ADRA1B: variants seen among roughly 807,000 people sequenced by gnomAD.
ADRA1B encodes alpha-1B adrenergic receptor.
A neutral mutation model predicts 17.9 loss-of-function variants in ADRA1B; 17 were observed. The observed-to-expected ratio is 0.95, with a 90% CI of 0.65 to 1.42. The LOEUF (loss-of-function observed/expected upper bound fraction) is 1.42, where lower values mean the gene tolerates loss of function less well. Ranked by LOEUF, ADRA1B falls within the 40% of genes most tolerant of loss-of-function variation. The probability of loss-of-function intolerance (pLI) is 0.00; values close to 1 mark genes in which losing one functional copy is unlikely to be tolerated. For synonymous variants in ADRA1B, 366 were observed against 327.6 expected (o/e 1.12, Z -1.27); for missense variants, 681 against 722.1 (o/e 0.94, Z 0.65).
intron 1 of ADRA1B, among the ~76,000 whole-genome samples, chr5:159,957,748 C>G (rs1277603748): frequency 1.3e-5 from 2 of 151,380 alleles, no homozygotes; most frequent in African/African-American, 4.9e-5. Context: ...CAAGCCTGGT[C>G]AACATGATGA....
At chr5:159,984,581 C>T in the ADRA1B span, among the ~76,000 whole-genome samples, 2 of 152,068 alleles carry the variant, frequency 1.3e-5, no homozygotes, top group African/African-American at 4.8e-5. Context: ...AGCTCCTCCC[C>T]AGCTACCAGA....
chr5:159,877,253 A>T (rs964628833), intron 1 of ADRA1B, among the ~76,000 whole-genome samples: 1 of 151,854 alleles, frequency 6.6e-6, no homozygotes, highest in African/African-American at 2.4e-5. Flanking sequence ...TTTGTAAACC[A>T]CTCTGCTAAG....
intron 1 of ADRA1B, among the ~76,000 whole-genome samples, chr5:159,938,200 A>T (rs1755008484): frequency 1.3e-5 from 2 of 152,228 alleles, no homozygotes; most frequent in Admixed American, 6.5e-5. Context: ...CACACCAGCA[A>T]CTATCAAAAC....
In ADRA1B at chr5:159,890,896, G is replaced by C. The variant is rs1030957488; in HGVS notation, c.-255-25223G>C. 2.6e-5 allele frequency among the ~76,000 whole-genome samples: 4 copies of C among 152,312 alleles called. No individual in the cohort carries two copies. In the South Asian group the frequency reaches 6.2e-4, roughly 24 times the overall value. ...AAACCTGTGAGATGGGAAATACATT[G>C]ATGTGGCTATCTTGGGGAAATATTT... On this transcript the variant is annotated intron_variant, in intron 1 of 2. Coordinates refer to the ADRA1B transcript ENST00000641205.
At chr5:159,940,267 C>T (rs1418052299) in intron 1 of ADRA1B, among the ~76,000 whole-genome samples, 2 of 152,186 alleles carry the variant, frequency 1.3e-5, no homozygotes, top group Non-Finnish European at 2.9e-5. Context: ...TAGGAAGAAC[C>T]ATGGTGAGTC....
intron 1 of ADRA1B, chr5:159,947,712 G>C: frequency 1.0e-6 from 1 of 985,384 alleles, no homozygotes; most frequent in African/African-American, 1.7e-5. Flanking sequence ...CTTTAAGCTT[G>C]AAGACGTTGA....
In ADRA1B at chr5:159,917,859, G is replaced by A. The variant is rs554286300; in HGVS notation, c.949+5G>A. ...TCTTCATCGCTCTACCGCTTGGTAA[G>A]TTGGGGACTAGCAGCAGGGGGACTG... On this transcript the variant is annotated splice_donor_5th_base_variant and intron_variant, in intron 1 of 1. Coordinates refer to ENST00000306675, the MANE Select transcript of ADRA1B (RefSeq NM_000679.4). 7.5e-6 allele frequency: 12 copies of A among 1,590,648 alleles called. No homozygotes were observed. The highest frequency in any genetic ancestry group is 1.0e-5 in the Non-Finnish European group (12 of 1,170,340).
the ADRA1B span, among the ~76,000 whole-genome samples, chr5:159,981,260 G>T: frequency 6.6e-6 from 1 of 152,084 alleles, no homozygotes; most frequent in African/African-American, 2.4e-5. Context: ...TTTGCAAATT[G>T]TTGAATGTCT....
chr5:159,950,730 G>A, intron 1 of ADRA1B: 1 of 663,196 alleles, frequency 1.5e-6, no homozygotes, highest in Non-Finnish European at 2.8e-6. Context: ...CCTTCTTAAT[G>A]TCATCATATT....
At chr5:159,949,505 C>T (rs1755366713) in intron 1 of ADRA1B, among the ~76,000 whole-genome samples, 1 of 152,222 alleles carries the variant, frequency 6.6e-6, no homozygotes, top group African/African-American at 2.4e-5. Flanking sequence ...AACTTCTGGG[C>T]TTGCCAGAGG....
At chr5:159,951,009 G>T in intron 1 of ADRA1B, 1 of 664,540 alleles carries the variant, frequency 1.5e-6, no homozygotes, top group South Asian at 1.4e-5. Flanking sequence ...AAGTTGTCAT[G>T]GATGACCTCG....
At chr5:159,892,245 A>T (rs193208576) in intron 1 of ADRA1B, among the ~76,000 whole-genome samples, 159 of 152,354 alleles carry the variant, frequency 1.0e-3, no homozygotes, top group Non-Finnish European at 1.8e-3. Flanking sequence ...TCAGAAAAAG[A>T]CAACAGCTAT....
At chr5:159,901,089 A>G (rs1754095736) in intron 1 of ADRA1B, among the ~76,000 whole-genome samples, 1 of 151,674 alleles carries the variant, frequency 6.6e-6, no homozygotes, top group Non-Finnish European at 1.5e-5. Context: ...TACATGTTAT[A>G]GATATTAGAC....
chr5:159,940,824 T>C (rs1450381916), intron 1 of ADRA1B, among the ~76,000 whole-genome samples: 4 of 152,210 alleles, frequency 2.6e-5, no homozygotes, highest in African/African-American at 9.6e-5. Flanking sequence ...ATTGCTCTTG[T>C]ACAAAGAAAC....
At chr5:159,989,165 T>C in the ADRA1B span, among the ~76,000 whole-genome samples, 2 of 152,132 alleles carry the variant, frequency 1.3e-5, no homozygotes, top group African/African-American at 4.8e-5. Flanking sequence ...GTTTGGTTTT[T>C]TTGTTTCTTT....
chr5:159,950,760 G>A (rs1755414099), intron 1 of ADRA1B: 1 of 628,490 alleles, frequency 1.6e-6, no homozygotes, highest in Non-Finnish European at 3.0e-6. Context: ...TTTCGAGACG[G>A]CAGGTGAGGT....
chr5:159,895,033 C>T (rs984034667), intron 1 of ADRA1B, among the ~76,000 whole-genome samples: 17 of 152,204 alleles, frequency 1.1e-4, no homozygotes, highest in Non-Finnish European at 2.5e-4. Flanking sequence ...TATAGAACTA[C>T]TGTAAATGGA....
Position 159,966,906 on chromosome 5 carries a change from A to G in ADRA1B, c.950-4973A>G, listed in dbSNP as rs75840135. ...TTAAATAAAACTACCATCTATCCAG[A>G]CAGTAGGATGTAATGCAGCCCTTGT... On this transcript the variant is annotated intron_variant, in intron 1 of 1. Coordinates refer to ENST00000306675, the MANE Select transcript of ADRA1B (RefSeq NM_000679.4). Among the ~76,000 whole-genome samples the G allele has an allele frequency of 5.5e-3, 838 of 152,344 alleles. 6 individuals are homozygous for G. Among genetic ancestry groups the G allele is most frequent in the African/African-American group, 0.019 (796 of 41,584 alleles).
At chr5:159,874,355 A>G (rs2113076113) in intron 1 of ADRA1B, among the ~76,000 whole-genome samples, 1 of 152,294 alleles carries the variant, frequency 6.6e-6, no homozygotes, top group African/African-American at 2.4e-5. Flanking sequence ...CCAGCTCACC[A>G]CTATCCAATC....
Sources: allele counts gnomAD v4.1 joint callset (sites outside exome capture counted in the v4.1 genomes callset), GRCh38; gene constraint gnomAD v4.1.1; transcripts MANE v1.5; gene names NCBI Gene and HGNC (gene_info 2026-07-23, HGNC 2026-07-21).